The following VWDE variants were observed in gnomAD, a reference collection of about 807,000 sequenced individuals.
The protein encoded by VWDE is von Willebrand factor D and EGF domains.
A neutral mutation model predicts 178.4 loss-of-function variants in VWDE; 207 were observed. The observed-to-expected ratio is 1.16, with a 90% CI of 1.04 to 1.30. The LOEUF (loss-of-function observed/expected upper bound fraction) is 1.30. VWDE is among the 50% of genes most tolerant of loss of function. The pLI is 0.00. For missense variants in VWDE, 2,287 were observed against 1,901.3 expected, an observed-to-expected ratio of 1.20 and a Z score of -3.77; for synonymous variants, 738 against 651.4, an observed-to-expected ratio of 1.13 and a Z score of -2.02.
At position 12,340,367 on chromosome 7, in the gene VWDE, T is replaced by C; in HGVS notation, c.4321A>G (p.Thr1441Ala). The change falls in exon 24 of 29, where the codon ACT (threonine) becomes GCT (alanine). Residue 1441 changes from threonine to alanine, a missense_variant. Physicochemically the swap from Thr to Ala is moderately conservative, Grantham distance 58 (BLOSUM62 0). Coordinates refer to ENST00000275358, the MANE Select transcript of VWDE (RefSeq NM_001135924.3). ...AAGAATCCATTTGGACAGAGGCAAG[T>C]ATTTGGCTTATTACACGAACCACCA... ...LNGGSCNKPN[T>A]CLCPNGFFGE... The C allele has an allele frequency of 1.3e-6, 2 of 1,551,546 alleles. No individual in the cohort carries two copies. Among genetic ancestry groups the C allele is most frequent in the East Asian group, 2.4e-5 (1 of 40,898 alleles).
chr7:12,389,402 T>C, intron 2 of VWDE, 44 bp from the exon 3 acceptor site: 1 of 1,388,518 alleles, frequency 7.2e-7, no homozygotes, highest in Non-Finnish European at 9.9e-7. Flanking sequence ...CAGTTTATTT[T>C]CATCCATTGT....
intron 18 of VWDE, among the ~76,000 whole-genome samples, chr7:12,352,304 G>A (rs1781986786): frequency 6.6e-6 from 1 of 152,068 alleles, no homozygotes; most frequent in South Asian, 2.1e-4. Context: ...TGATTCTTAT[G>A]TGCCCCACTA....
rs931138851 is a variant in VWDE at position 12,400,740 on chromosome 7, G to A, written c.58+2919C>T. Reference sequence around the variant, plus strand: ...GCCCATTATCCTGGCTACCCCGACAGGAAAGCCAGAAATATATATAACAAG... The same window carrying A: ...GCCCATTATCCTGGCTACCCCGACAAGAAAGCCAGAAATATATATAACAAG... On this transcript the variant is annotated intron_variant, in intron 1 of 28. Transcript: ENST00000275358. Among the ~76,000 whole-genome samples, 36 of 151,980 alleles carry A rather than the reference G, an allele frequency of 2.4e-4. 1 individual carries two copies. Among genetic ancestry groups the A allele is most frequent in the African/African-American group, 8.7e-4 (36 of 41,402 alleles).
Position 12,370,278 on chromosome 7 carries a change from A to T in VWDE, c.2028T>A (p.Thr676=). 6.4e-7 allele frequency: 1 copy of T among 1,551,158 alleles called. No homozygotes were observed. The highest frequency in any genetic ancestry group is 1.2e-5 in the South Asian group (1 of 84,048). Residue 676 remains threonine, a synonymous_variant, in exon 12 of 29, where the codon ACT becomes ACA. Transcript: ENST00000275358. The stretch of plus-strand genomic sequence containing the variant: ...TATGCTTGTTTATCTCTCTGACAAG[A>T]GTGTCTGAATTAATATATTCGGAGG... ...DVTSEYINSD[T]LVREINKHTS...
intron 23 of VWDE, 94 bp downstream of exon 23, chr7:12,341,965 G>A: frequency 1.1e-6 from 1 of 925,944 alleles, no homozygotes; most frequent in Middle Eastern, 2.2e-4. Flanking sequence ...TGTCTTGTCA[G>A]GTCAGTTTTA....
intron 5 of VWDE, among the ~76,000 whole-genome samples, chr7:12,379,975 G>A (rs936354212): frequency 3.6e-4 from 54 of 151,896 alleles, no homozygotes; most frequent in African/African-American, 1.3e-3. Context: ...GCGGGCGCCT[G>A]TAGTCCCAGC....
chr7:12,375,626 C>G (rs1783485276), intron 7 of VWDE, among the ~76,000 whole-genome samples: 1 of 151,884 alleles, frequency 6.6e-6, no homozygotes, highest in Non-Finnish European at 1.5e-5. Flanking sequence ...CCAGATACTT[C>G]TGTAATATTT....
intron 18 of VWDE, among the ~76,000 whole-genome samples, chr7:12,352,070 T>C (rs1781973551): frequency 1.3e-5 from 2 of 152,156 alleles, no homozygotes; most frequent in Admixed American, 6.6e-5. Flanking sequence ...GGTGAGAACA[T>C]AGCCAGTCTG....
rs1783303533 is a variant in VWDE at position 12,373,123 on chromosome 7, A to G, written c.1441T>C (p.Phe481Leu). 1.3e-6 allele frequency: 2 copies of G among 1,551,326 alleles called. No individual in the cohort carries two copies. Among genetic ancestry groups the G allele is most frequent in the Non-Finnish European group, 1.7e-6 (2 of 1,146,776 alleles). The change falls in exon 10 of 29, where the codon TTT (phenylalanine) becomes CTT (leucine). Residue 481 changes from phenylalanine (F) to leucine (L), a missense_variant. Coordinates refer to ENST00000275358, the MANE Select transcript of VWDE (RefSeq NM_001135924.3). ...ATATCACCTCCTTCCTGGGCAACAA[A>G]CCCACAATTACATGACACTGGATAG... ...LHYPVSCNCG[F>L]VAQEGGDIVT... is the part of the protein sequence containing the mutation.
At chr7:12,376,758 C>A (rs1783550412) in intron 7 of VWDE, among the ~76,000 whole-genome samples, 1 of 152,018 alleles carries the variant, frequency 6.6e-6, no homozygotes, top group African/African-American at 2.4e-5. Flanking sequence ...GCTCGTGGTG[C>A]TCCTGAAATC....
chr7:12,342,107 C>T lies in VWDE; in HGVS notation c.4222G>A (p.Asp1408Asn). 6.4e-7 allele frequency: 1 copy of T among 1,551,530 alleles called. No homozygotes were observed. The highest frequency in any genetic ancestry group is 8.7e-7 in the Non-Finnish European group (1 of 1,146,898). ...CAGCCAGGTTTGCACTGGCAAATAT[C>T]TGGTGTAAGACACTGGCCTCCATTT... ...CENGGQCLTPDICQCKPGWYG... is the reference protein window; with the variant it reads ...CENGGQCLTPNICQCKPGWYG... Residue 1408 changes from aspartate to asparagine, a missense_variant, in exon 23 of 29, where the codon GAT (aspartate) becomes AAT (asparagine). Transcript: ENST00000275358.
In VWDE at chr7:12,379,537, C is replaced by T; in HGVS notation, c.819G>A (p.Leu273=). The T allele has an allele frequency of 2.6e-6, 4 of 1,549,358 alleles. No homozygotes were observed. Among genetic ancestry groups the T allele is most frequent in the Non-Finnish European group, 3.5e-6 (4 of 1,145,938 alleles). The change falls in exon 6 of 29, where the codon TTG becomes TTA. Residue 273 remains leucine, a synonymous_variant. Coordinates refer to ENST00000275358, the MANE Select transcript of VWDE (RefSeq NM_001135924.3). ...RIFCSASVFF[L]ENPHVQSVAI... is the part of the protein sequence containing the mutation. Reference sequence around the variant, plus strand: ...CTACACTTTGTACATGAGGATTCTCCAAGAAAAAGACAGAAGCGCTGCAGA... The same window carrying T: ...CTACACTTTGTACATGAGGATTCTCTAAGAAAAAGACAGAAGCGCTGCAGA...
chr7:12,388,237 T>C (rs1784202306), intron 3 of VWDE, among the ~76,000 whole-genome samples: 2 of 152,186 alleles, frequency 1.3e-5, no homozygotes, highest in African/African-American at 4.8e-5. Flanking sequence ...GATTATGCTT[T>C]TGGGGGAAGA....
At chr7:12,384,554 G>C (rs910873244) in intron 3 of VWDE, among the ~76,000 whole-genome samples, 1 of 152,092 alleles carries the variant, frequency 6.6e-6, no homozygotes, top group African/African-American at 2.4e-5. Flanking sequence ...GTAGCACTCT[G>C]GTGGGGGACG....
intron 17 of VWDE, among the ~76,000 whole-genome samples, chr7:12,356,577 A>T (rs1057089789): frequency 4.6e-5 from 7 of 152,198 alleles, no homozygotes; most frequent in African/African-American, 1.2e-4. Context: ...CTAAAAAAAA[A>T]GTTACAAGAT....
At chr7:12,399,200 G>A (rs1583362680) in intron 1 of VWDE, among the ~76,000 whole-genome samples, 1 of 152,184 alleles carries the variant, frequency 6.6e-6, no homozygotes, top group East Asian at 1.9e-4. Flanking sequence ...GTCCTCTTCT[G>A]CACACAATTA....
At chr7:12,402,763 A>G (rs574581712) in intron 1 of VWDE, among the ~76,000 whole-genome samples, 11 of 152,280 alleles carry the variant, frequency 7.2e-5, no homozygotes, top group African/African-American at 2.2e-4. Flanking sequence ...TTTGTATAGG[A>G]TAGTGTTTGT....
intron 1 of VWDE, among the ~76,000 whole-genome samples, chr7:12,399,888 T>C (rs1784819764): frequency 6.6e-6 from 1 of 152,096 alleles, no homozygotes; most frequent in Admixed American, 6.5e-5. Flanking sequence ...GTTCTGTGAT[T>C]ACAATGGAAT....
At position 12,370,332 on chromosome 7, in the gene VWDE, T is replaced by G; in HGVS notation, c.1974A>C (p.Leu658Phe). 6.4e-7 allele frequency: 1 copy of G among 1,551,304 alleles called. No homozygotes were observed. The highest frequency in any genetic ancestry group is 8.7e-7 in the Non-Finnish European group (1 of 1,146,832). ...LGCKDLNHVSLSSLIPELDVT... is the reference protein window; with the variant it reads ...LGCKDLNHVSFSSLIPELDVT... ...CATCTAGTTCTGGTATCAAAGAAGA[T>G]AAGCTGACATGATTGAGGTCTTTGC... The change falls in exon 12 of 29, where the codon TTA (leucine) becomes TTC (phenylalanine). Residue 658 changes from leucine to phenylalanine, a missense_variant. Transcript: ENST00000275358.
Sources: gnomAD v4.1 joint callset for allele counts (sites outside exome capture counted in the v4.1 genomes callset) on GRCh38, gnomAD v4.1.1 for gene constraint, MANE v1.5 for transcripts, NCBI Gene and HGNC (gene_info 2026-07-23, HGNC 2026-07-21) for gene names.